Variants in AGBL4 observed in about 807,000 individuals in gnomAD.
AGBL4 encodes the protein AGBL carboxypeptidase 4.
AGBL4 carries 58 observed loss-of-function variants against 66.4 expected under a neutral mutation model. The ratio of observed to expected loss-of-function variants is 0.87; its 90% CI spans 0.71 to 1.09. AGBL4 has a LOEUF of 1.09. AGBL4 is among the 50% of genes least tolerant of loss of function. The probability of loss-of-function intolerance (pLI) is 0.00; values close to 1 mark genes in which losing one functional copy is unlikely to be tolerated. For synonymous variants in AGBL4, 234 were observed against 222.9 expected (o/e 1.05, Z -0.44); for missense variants, 579 against 631.0 (o/e 0.92, Z 0.88).
At chr1:50,016,407 C>G (rs1166852041) in intron 1 of AGBL4, among the ~76,000 whole-genome samples, 1 of 152,014 alleles carries the variant, frequency 6.6e-6, no homozygotes, top group East Asian at 1.9e-4. Flanking sequence ...CTAAAAAACA[C>G]AAAAATTAGC....
chr1:49,507,677 C>A (rs1018250410), intron 3 of AGBL4, among the ~76,000 whole-genome samples: 13 of 151,894 alleles, frequency 8.6e-5, no homozygotes, highest in African/African-American at 3.1e-4. Context: ...TAAGTTCTTG[C>A]ATTAAATATT....
intron 3 of AGBL4, among the ~76,000 whole-genome samples, chr1:49,538,431 A>G (rs1651767653): frequency 6.6e-6 from 1 of 152,240 alleles, no homozygotes. Context: ...AATGGGTACA[A>G]TGTACATTAT....
intron 3 of AGBL4, among the ~76,000 whole-genome samples, chr1:49,682,682 G>A (rs1343684698): frequency 1.3e-5 from 2 of 152,320 alleles, no homozygotes; most frequent in South Asian, 4.1e-4. Context: ...CAGCTGCACA[G>A]GGCTCCACAA....
chr1:49,054,678 A>C (rs900570479), intron 4 of AGBL4, among the ~76,000 whole-genome samples: 6 of 152,006 alleles, frequency 3.9e-5, no homozygotes, highest in African/African-American at 1.4e-4. Flanking sequence ...TTTTATGTGA[A>C]GCTAACATTA....
At chr1:49,854,579 A>G (rs1646387470) in intron 1 of AGBL4, among the ~76,000 whole-genome samples, 1 of 151,936 alleles carries the variant, frequency 6.6e-6, no homozygotes, top group Admixed American at 6.6e-5. Context: ...TTGAGAACTA[A>G]TCCCCCATCA....
chr1:49,755,677 A>T (rs1280693504), intron 2 of AGBL4, among the ~76,000 whole-genome samples: 1 of 152,194 alleles, frequency 6.6e-6, no homozygotes, highest in African/African-American at 2.4e-5. Context: ...TTAACAAGGA[A>T]TCTTAGAGGC....
At chr1:49,549,804 C>A (rs941879399) in intron 3 of AGBL4, among the ~76,000 whole-genome samples, 1 of 152,032 alleles carries the variant, frequency 6.6e-6, no homozygotes, top group Non-Finnish European at 1.5e-5. Flanking sequence ...TCCATTTGTT[C>A]CAAGGTATAG....
intron 2 of AGBL4, among the ~76,000 whole-genome samples, chr1:49,709,986 T>C (rs944753354): frequency 2.0e-5 from 3 of 152,168 alleles, no homozygotes; most frequent in East Asian, 3.9e-4. Context: ...CTTTACACTG[T>C]TGGTGGGAGT....
chr1:49,118,641 T>C (rs1645584015), intron 4 of AGBL4, among the ~76,000 whole-genome samples: 1 of 152,218 alleles, frequency 6.6e-6, no homozygotes, highest in Non-Finnish European at 1.5e-5. Flanking sequence ...TCAGCAGGGA[T>C]ATTGGTCTAA....
intron 5 of AGBL4, among the ~76,000 whole-genome samples, chr1:48,913,651 A>G (rs1653341215): frequency 6.6e-6 from 1 of 152,354 alleles, no homozygotes; most frequent in East Asian, 1.9e-4. Flanking sequence ...AGTTGCAGGA[A>G]AACAAGCTCA....
rs535283257 is a variant in AGBL4 at position 48,939,383 on chromosome 1, T to C, written c.595-72153A>G. ...TTTGTACAGCGATTGACAGGCTGGG[T>C]CCCTCTCCTTCAGTCCCGTTAATGG... is the stretch of plus-strand genomic sequence containing the variant. On this transcript the variant is annotated intron_variant, in intron 5 of 13. Transcript: ENST00000371839. Among the ~76,000 whole-genome samples, 217 of 152,320 alleles carry C rather than the reference T, an allele frequency of 1.4e-3. 2 individuals carry two copies. Among genetic ancestry groups the C allele is most frequent in the Non-Finnish European group, 3.4e-4 (23 of 68,032 alleles).
chr1:49,962,991 C>T (rs1283977741), intron 1 of AGBL4, among the ~76,000 whole-genome samples: 1 of 152,084 alleles, frequency 6.6e-6, no homozygotes, highest in Admixed American at 6.6e-5. Flanking sequence ...GACACCTTCC[C>T]CTGCACATCA....
rs34541455 is a variant in AGBL4, at chr1:49,783,006, G to GT, written c.157+68389dup. Among the ~76,000 whole-genome samples the GT allele has an allele frequency of 3.8e-3, 549 of 143,432 alleles. 1 individual carries two copies. The highest frequency in any genetic ancestry group is 0.026 in the Middle Eastern group (7 of 272). 94.1% of individuals were successfully genotyped at this position (143,432 alleles called of 152,430 possible). On this transcript the variant is annotated intron_variant, in intron 2 of 13. Transcript: ENST00000371839. ...CTTATATAAGAGGCCCCAGAAACCT[G>GT]TTTTTTTTTTTTCCATAATGTCAGT...
At chr1:49,598,717 C>A (rs573974290) in intron 3 of AGBL4, among the ~76,000 whole-genome samples, 1 of 152,054 alleles carries the variant, frequency 6.6e-6, no homozygotes. Context: ...TCTCCAGCTG[C>A]GTGCTGGGAG....
intron 2 of AGBL4, among the ~76,000 whole-genome samples, chr1:49,717,883 C>T (rs1648282696): frequency 6.6e-6 from 1 of 151,956 alleles, no homozygotes; most frequent in Admixed American, 6.6e-5. Flanking sequence ...TATTTCAGGC[C>T]AGACTTAGTT....
intron 5 of AGBL4, among the ~76,000 whole-genome samples, chr1:48,957,994 T>G (rs976280279): frequency 2.0e-5 from 3 of 152,130 alleles, no homozygotes; most frequent in African/African-American, 7.2e-5. Context: ...CAGGCTTGTT[T>G]TTTTTTTGTT....
At chr1:49,977,652 C>T (rs1031343863) in intron 1 of AGBL4, among the ~76,000 whole-genome samples, 3 of 152,156 alleles carry the variant, frequency 2.0e-5, no homozygotes, top group African/African-American at 4.8e-5. Flanking sequence ...AATAATACCA[C>T]GTTTTATTTC....
chr1:49,887,177 GTATA>G (rs71059563), intron 1 of AGBL4, among the ~76,000 whole-genome samples: 10 of 144,598 alleles, frequency 6.9e-5, no homozygotes, highest in Admixed American at 3.5e-4. Context: ...TATATACATT[GTATA>G]TATATATATG....
At chr1:48,970,268 G>A (rs1312012442) in intron 5 of AGBL4, among the ~76,000 whole-genome samples, 2 of 152,144 alleles carry the variant, frequency 1.3e-5, no homozygotes, top group African/African-American at 2.4e-5. Flanking sequence ...GTTGATTCAG[G>A]ACATAGAAAT....
Sources: allele counts gnomAD v4.1 joint callset (sites outside exome capture counted in the v4.1 genomes callset), GRCh38; gene constraint gnomAD v4.1.1; transcripts MANE v1.5; gene names NCBI Gene and HGNC (gene_info 2026-07-23, HGNC 2026-07-21).